The following MYLK variants were observed in gnomAD, a reference collection of about 807,000 sequenced individuals.
The protein encoded by MYLK is myosin light chain kinase.
Under a neutral mutation model 203.4 loss-of-function variants are expected in MYLK, and 106 were observed. The ratio of observed to expected loss-of-function variants is 0.52; its 90% CI spans 0.45 to 0.61. The LOEUF (loss-of-function observed/expected upper bound fraction) is 0.61, where lower values mean the gene tolerates loss of function less well. MYLK is among the 20% of genes least tolerant of loss of function. The pLI is 0.00. For missense variants in MYLK, 2,072 were observed against 2,442.3 expected (o/e 0.85, Z 3.20); for synonymous variants, 867 against 959.5 (o/e 0.90, Z 1.78).
chr3:123,780,106 A>G (rs773636568), intron 4 of MYLK, among the ~76,000 whole-genome samples: 7 of 152,092 alleles, frequency 4.6e-5, no homozygotes, highest in Non-Finnish European at 1.0e-4. Context: ...TGCTCATAAA[A>G]CCACCAGGTC....
intron 7 of MYLK, 124 bp from the exon 8 acceptor site, chr3:123,737,667 G>A (rs1016831244): frequency 2.3e-6 from 3 of 1,297,308 alleles, no homozygotes; most frequent in African/African-American, 1.5e-5. Flanking sequence ...CCTCTGCTGT[G>A]GGCCCTGTCA....
Position 123,738,845 on chromosome 3 carries a change from G to A in MYLK, c.588+52C>T. 4 of 1,568,840 alleles carry A rather than the reference G, an allele frequency of 2.5e-6. No individual in the cohort carries two copies. The South Asian group carries it at 3.5e-5, about 14-fold the overall frequency. ...TCTCGGGTATGTCTATTAGCAGCAT[G>A]AGAACAGACTAATACAGGCTGGATC... On this transcript the variant is annotated intron_variant, in intron 7 of 33. Coordinates refer to ENST00000360304, the MANE Select transcript of MYLK (RefSeq NM_053025.4).
intron 2 of MYLK, among the ~76,000 whole-genome samples, chr3:123,853,695 A>T (rs1401421801): frequency 6.6e-6 from 1 of 152,176 alleles, no homozygotes; most frequent in Non-Finnish European, 1.5e-5. Flanking sequence ...TCATATCTGA[A>T]TGTGATAAAA....
intron 27 of MYLK, among the ~76,000 whole-genome samples, chr3:123,643,828 G>T (rs2058920572): frequency 6.6e-6 from 1 of 152,252 alleles, no homozygotes; most frequent in East Asian, 1.9e-4. Context: ...CTTGCCCTAT[G>T]GCAGCCAGCT....
chr3:123,762,740 C>T (rs1017113874), intron 4 of MYLK, among the ~76,000 whole-genome samples: 1 of 152,050 alleles, frequency 6.6e-6, no homozygotes. Context: ...TTTTGCCCTT[C>T]GGCCTTCCAC....
intron 3 of MYLK, among the ~76,000 whole-genome samples, chr3:123,815,423 A>C (rs2109261397): frequency 6.6e-6 from 1 of 151,306 alleles, no homozygotes; most frequent in Middle Eastern, 3.4e-3. Context: ...AAGACAGAAA[A>C]GGATCCAAGC....
intron 3 of MYLK, among the ~76,000 whole-genome samples, chr3:123,815,235 G>T (rs1329119399): frequency 2.0e-5 from 3 of 152,068 alleles, no homozygotes; most frequent in East Asian, 3.9e-4. Flanking sequence ...GTGCTGACTT[G>T]TGGCTCCCCA....
rs1052799439 is a variant in MYLK, at chr3:123,629,751, C to A, written c.4962-125G>T. On this transcript the variant is annotated intron_variant, in intron 29 of 33. Coordinates refer to ENST00000360304, the MANE Select transcript of MYLK (RefSeq NM_053025.4). The surrounding 1 kb of genome is among the most constrained non-coding windows in gnomAD (Gnocchi z 4.4). ...CACCCCCAAACTCATGCTCTGTGGGCCTTGCACCTGCCTTTCTTCCACTTG... is the reference window on the plus strand; with the variant it reads ...CACCCCCAAACTCATGCTCTGTGGGACTTGCACCTGCCTTTCTTCCACTTG... The A allele has an allele frequency of 2.1e-6, 2 of 946,478 alleles. No homozygotes were observed. The highest frequency in any genetic ancestry group is 1.5e-5 in the South Asian group (1 of 68,648). 58.6% of individuals were successfully genotyped at this position (946,478 alleles called of 1,614,324 possible).
intron 2 of MYLK, among the ~76,000 whole-genome samples, chr3:123,856,309 TG>T (rs1329469220): frequency 1.8e-4 from 28 of 152,298 alleles, no homozygotes; most frequent in East Asian, 1.4e-3. Flanking sequence ...CCCTCTCGTT[TG>T]TGCATACACT....
chr3:123,669,164 A>C (rs1160413351), intron 20 of MYLK, among the ~76,000 whole-genome samples: 5 of 152,228 alleles, frequency 3.3e-5, no homozygotes, highest in Non-Finnish European at 5.9e-5. Flanking sequence ...GCAGGGGCAC[A>C]CTGAGATCAC....
chr3:123,734,378 T>C, intron 9 of MYLK, 156 bp from the exon 10 acceptor site: 1 of 728,072 alleles, frequency 1.4e-6, no homozygotes, highest in Non-Finnish European at 2.1e-6. Flanking sequence ...TTCTCTGCAG[T>C]TTGCCCAGTT....
intron 5 of MYLK, among the ~76,000 whole-genome samples, chr3:123,743,446 T>A (rs2062920334): frequency 6.6e-6 from 1 of 152,096 alleles, no homozygotes; most frequent in African/African-American, 2.4e-5. Flanking sequence ...ACTAACAGGG[T>A]CTATTTATAG....
At chr3:123,639,193 C>T (rs900567120) in intron 28 of MYLK, among the ~76,000 whole-genome samples, 1 of 152,186 alleles carries the variant, frequency 6.6e-6, no homozygotes, top group African/African-American at 2.4e-5. Context: ...CCCTGTATGC[C>T]AGCCACTGCC....
At chr3:123,655,325 C>A (rs2059358827) in intron 24 of MYLK, among the ~76,000 whole-genome samples, 1 of 152,156 alleles carries the variant, frequency 6.6e-6, no homozygotes, top group Non-Finnish European at 1.5e-5. Context: ...GGTTCTCTCC[C>A]CTCTCAGTCC....
Position 123,657,220 on chromosome 3 carries a change from G to A in MYLK, c.4194C>T (p.His1398=), listed in dbSNP as rs17298941. The A allele has an allele frequency of 0.034, 55,399 of 1,614,104 alleles. 1,133 individuals carry two copies. Among genetic ancestry groups the A allele is most frequent in the Middle Eastern group, 0.067 (405 of 6,062 alleles). ...SFNVQDLLPD[H]EYKFRVRAIN... is the part of the protein sequence containing the mutation. ...TTGCACGTACACGGAACTTATATTC[G>A]TGGTCAGGCAGCAGGTCCTGGACGT... The change falls in exon 24 of 34, where the codon CAC becomes CAT. Residue 1398 remains histidine, a synonymous_variant. Coordinates refer to ENST00000360304, the MANE Select transcript of MYLK (RefSeq NM_053025.4).
Position 123,707,824 on chromosome 3 carries a change from C to T in MYLK, c.2320G>A (p.Glu774Lys). The change falls in exon 16 of 34, where the codon GAG (glutamate) becomes AAG (lysine). Residue 774 changes from glutamate to lysine, a missense_variant. Physicochemically the swap from Glu to Lys is moderately conservative, Grantham distance 56 (BLOSUM62 1). This residue lies in a region of MYLK where 865 missense variants were observed against 1,016.0 expected (regional missense o/e 0.85). Coordinates refer to ENST00000360304, the MANE Select transcript of MYLK (RefSeq NM_053025.4). ...TTTAGAACCAGGGTGAACACGTCCT[C>T]ATTCTGAAGCACCTCGAAGTGGCCA... Reference protein sequence around the residue: ...DTGHFEVLQNEDVFTLVLKKV... With the variant: ...DTGHFEVLQNKDVFTLVLKKV... 2 of 1,614,244 alleles carry T rather than the reference C, an allele frequency of 1.2e-6. No individual in the cohort carries two copies. Among genetic ancestry groups the T allele is most frequent in the South Asian group, 1.1e-5 (1 of 91,080 alleles).
intron 3 of MYLK, among the ~76,000 whole-genome samples, chr3:123,810,485 G>T (rs545939688): frequency 1.3e-5 from 2 of 152,200 alleles, no homozygotes; most frequent in Non-Finnish European, 2.9e-5. Context: ...CTGTGTCAGG[G>T]TTCAGCCCTC....
intron 4 of MYLK, among the ~76,000 whole-genome samples, chr3:123,778,067 C>T (rs897431006): frequency 3.9e-5 from 6 of 152,106 alleles, no homozygotes; most frequent in Non-Finnish European, 5.9e-5. Context: ...GACTCCACAC[C>T]TCTACTCCAG....
At chr3:123,791,468 C>T (rs1201873824) in intron 4 of MYLK, among the ~76,000 whole-genome samples, 1 of 152,244 alleles carries the variant, frequency 6.6e-6, no homozygotes, top group African/African-American at 2.4e-5. Flanking sequence ...TAACAATACA[C>T]ACTTGCAGCA....
Sources: allele counts gnomAD v4.1 joint callset (sites outside exome capture counted in the v4.1 genomes callset), GRCh38; gene constraint gnomAD v4.1.1; regional missense constraint gnomAD v4.1.1; non-coding constraint Gnocchi (gnomAD v3.1); transcripts MANE v1.5; gene names NCBI Gene and HGNC (gene_info 2026-07-23, HGNC 2026-07-21).